PLAAT5: variants seen among roughly 807,000 people sequenced by gnomAD.
The protein encoded by PLAAT5 is Ca(2+)-independent N-acyltransferase.
In PLAAT5, 27 loss-of-function variants were observed where a neutral mutation model predicts 27.8. The ratio of observed to expected loss-of-function variants is 0.97; its 90% confidence interval spans 0.72 to 1.34. PLAAT5 has a LOEUF of 1.34. Among genes scored for constraint, PLAAT5 ranks in the 40% most tolerant of loss-of-function variants. The pLI is 0.00. For missense variants in PLAAT5, 368 were observed against 343.8 expected, an observed-to-expected ratio of 1.07 and a Z score of -0.56; for synonymous variants, 125 against 136.1, an observed-to-expected ratio of 0.92 and a Z score of 0.57.
intron 3 of PLAAT5, among the ~76,000 whole-genome samples, chr11:63,483,649 A>C (rs1180450931): frequency 7.6e-6 from 1 of 132,234 alleles, no homozygotes; most frequent in African/African-American, 2.9e-5. Context: ...GCCTACACCA[A>C]AAAAAAAAAA....
At chr11:63,483,791 ATATATATATG>A (rs1565215137) in intron 3 of PLAAT5, among the ~76,000 whole-genome samples, 1,178 of 77,172 alleles carry the variant, frequency 0.015, 65 homozygotes, top group African/African-American at 0.14. Context: ...AAAAATATAT[ATATATATATG>A]TATATATATA....
chr11:63,490,609 A>G, intron 1 of PLAAT5: 1 of 613,264 alleles, frequency 1.6e-6, no homozygotes. Context: ...GCCCGATGGG[A>G]GGAACCTCTG....
In PLAAT5 at chr11:63,490,872, A is replaced by T. The variant is rs2016548760; in HGVS notation, c.148+15T>A. 6.3e-7 allele frequency: 1 copy of T among 1,595,746 alleles called. No homozygotes were observed. Among genetic ancestry groups the T allele is most frequent in the Non-Finnish European group, 8.5e-7 (1 of 1,172,100 alleles). On this transcript the variant is annotated intron_variant, in intron 1 of 5. Transcript: ENST00000540857. The stretch of plus-strand genomic sequence containing the variant: ...CAATTGCGGATTGTCCTTCAGCCGC[A>T]TTCTTGGGGCTGACCTGAGTGGGGC...
Position 63,471,352 on chromosome 11 carries a change from T to C in PLAAT5, c.346-2887A>G, listed in dbSNP as rs184519111. On this transcript the variant is annotated intron_variant, in intron 3 of 5. Transcript: ENST00000540857. ...AAGACTTTTTTTGAAGAGTTATAAT[T>C]ACAAAGTATTTGTTTTCCCTTGAAA... is the stretch of plus-strand genomic sequence containing the variant. 2.1e-3 allele frequency among the ~76,000 whole-genome samples: 325 copies of C among 152,352 alleles called. 1 individual carries two copies. Among genetic ancestry groups the C allele is most frequent in the African/African-American group, 7.1e-3 (295 of 41,588 alleles).
intron 5 of PLAAT5, among the ~76,000 whole-genome samples, chr11:63,465,187 G>A (rs2015825693): frequency 6.6e-6 from 1 of 152,066 alleles, no homozygotes; most frequent in Non-Finnish European, 1.5e-5. Flanking sequence ...ACTGAGGCAG[G>A]AGAATCGCTT....
intron 5 of PLAAT5, among the ~76,000 whole-genome samples, chr11:63,465,048 C>T (rs771752828): frequency 2.0e-5 from 3 of 152,036 alleles, no homozygotes; most frequent in African/African-American, 2.4e-5. Context: ...GAGGCCGAGG[C>T]GGGTGGATCA....
intron 3 of PLAAT5, among the ~76,000 whole-genome samples, chr11:63,485,361 C>T (rs1285654707): frequency 6.6e-6 from 1 of 152,194 alleles, no homozygotes. Flanking sequence ...TGAGGCATCA[C>T]ATTACCTGAC....
At chr11:63,472,051 T>C (rs1431208310) in intron 3 of PLAAT5, among the ~76,000 whole-genome samples, 2 of 150,650 alleles carry the variant, frequency 1.3e-5, no homozygotes, top group East Asian at 3.9e-4. Context: ...AGGGTGGGGG[T>C]TGGAGGAGGG....
chr11:63,466,153 T>C lies in PLAAT5; in HGVS notation c.674A>G (p.His225Arg). 1.2e-6 allele frequency: 2 copies of C among 1,614,136 alleles called. No individual in the cohort carries two copies. Among genetic ancestry groups the C allele is most frequent in the Non-Finnish European group, 1.7e-6 (2 of 1,180,022 alleles). ...QYSLIEGNCE[H>R]FVNGLRYGVP... ...GCCATATCTGAGGCCATTGACAAAG[T>C]GCTCACAGTTCCCTTCAATCAGGCT... is the stretch of plus-strand genomic sequence containing the variant. The change falls in exon 5 of 6, where the codon CAC becomes CGC. Residue 225 changes from histidine (H) to arginine (R), a missense_variant. By Grantham distance (29) the His-to-Arg change is conservative. Coordinates refer to ENST00000540857, the MANE Select transcript of PLAAT5 (RefSeq NM_001146729.2).
intron 3 of PLAAT5, among the ~76,000 whole-genome samples, chr11:63,487,377 G>GAGAT: frequency 6.6e-6 from 1 of 152,172 alleles, no homozygotes; most frequent in Middle Eastern, 3.4e-3. Flanking sequence ...AAACCACAAT[G>GAGAT]AGATACCTAC....
intron 3 of PLAAT5, among the ~76,000 whole-genome samples, chr11:63,482,218 C>T (rs1411980713): frequency 6.6e-6 from 1 of 152,088 alleles, no homozygotes; most frequent in African/African-American, 2.4e-5. Context: ...AGAAAAATTT[C>T]CCTGGCCTTA....
chr11:63,465,147 G>A (rs113223349), intron 5 of PLAAT5, among the ~76,000 whole-genome samples: 88 of 151,880 alleles, frequency 5.8e-4, no homozygotes, highest in African/African-American at 2.1e-3. Flanking sequence ...ACGTGGTGGC[G>A]CACACCTAGT....
rs2015758702 is a variant in PLAAT5 at position 63,463,053 on chromosome 11, T to C, written c.*450A>G. ...ACACTGTGGGTCGAAAAGGGCAGGA[T>C]TATCATAAATGGAAAGAAGCTAGAG... On this transcript the variant is annotated 3_prime_UTR_variant, in exon 6 of 6. Coordinates refer to ENST00000540857, the MANE Select transcript of PLAAT5 (RefSeq NM_001146729.2). The C allele has an allele frequency of 6.3e-6, 1 of 158,400 alleles. No homozygotes were observed. The highest frequency in any genetic ancestry group is 1.4e-5 in the Non-Finnish European group (1 of 71,600). 9.8% of individuals were successfully genotyped at this position (158,400 alleles called of 1,614,324 possible).
intron 3 of PLAAT5, chr11:63,470,929 A>G (rs1378043382): frequency 2.0e-5 from 3 of 152,202 alleles, no homozygotes; most frequent in Admixed American, 2.0e-4. Context: ...ATATATAAAG[A>G]GGACTGTAGT....
At chr11:63,486,199 C>A (rs775512668) in intron 3 of PLAAT5, among the ~76,000 whole-genome samples, 1 of 152,136 alleles carries the variant, frequency 6.6e-6, no homozygotes, top group Non-Finnish European at 1.5e-5. Context: ...TAAACTGATA[C>A]AATCACTATG....
At chr11:63,480,173 G>A (rs1301625311) in intron 3 of PLAAT5, among the ~76,000 whole-genome samples, 1 of 152,208 alleles carries the variant, frequency 6.6e-6, no homozygotes, top group Admixed American at 6.5e-5. Flanking sequence ...CAAATAGCCA[G>A]TTACTTCCCA....
intron 2 of PLAAT5, 64 bp downstream of exon 2, chr11:63,490,179 A>G (rs2016527211): frequency 6.2e-7 from 1 of 1,609,082 alleles, no homozygotes. Flanking sequence ...ACAGAACTGC[A>G]TTCCAAGTCA....
intron 3 of PLAAT5, among the ~76,000 whole-genome samples, chr11:63,475,410 CTAA>C (rs2016129289): frequency 6.6e-6 from 1 of 151,354 alleles, no homozygotes. Flanking sequence ...CCCTTTTTTT[CTAA>C]TAATACCTCT....
chr11:63,489,003 A>C (rs2016501537), intron 2 of PLAAT5, 27 bp from the exon 3 acceptor site: 3 of 1,403,116 alleles, frequency 2.1e-6, no homozygotes, highest in Non-Finnish European at 3.0e-6. Context: ...TCACAAAGTT[A>C]ACAAATATCA....
Sources: gnomAD v4.1 joint callset for allele counts (sites outside exome capture counted in the v4.1 genomes callset) on GRCh38, gnomAD v4.1.1 for gene constraint, MANE v1.5 for transcripts, NCBI Gene and HGNC (gene_info 2026-07-23, HGNC 2026-07-21) for gene names.